The following RIT2 variants were observed in gnomAD, a reference collection of about 807,000 sequenced individuals.
RIT2 encodes Ras like without CAAX 2.
A neutral mutation model predicts 23.7 loss-of-function variants in RIT2; 24 were observed. The observed-to-expected ratio is 1.01, with a 90% CI of 0.73 to 1.43. The LOEUF is 1.43. Ranked by LOEUF, RIT2 falls within the 40% of genes most tolerant of loss-of-function variation. The pLI is 0.00. For synonymous variants in RIT2, 107 were observed against 91.1 expected (o/e 1.17, Z -0.99); for missense variants, 236 against 266.9 (o/e 0.88, Z 0.81).
At chr18:43,080,509 A>G (rs946548949) in intron 1 of RIT2, among the ~76,000 whole-genome samples, 1 of 152,104 alleles carries the variant, frequency 6.6e-6, no homozygotes, top group East Asian at 1.9e-4. Context: ...CTGAATGACA[A>G]AAAAAACCTA....
intron 1 of RIT2, among the ~76,000 whole-genome samples, chr18:43,109,427 A>C (rs933186917): frequency 4.6e-5 from 7 of 152,176 alleles, no homozygotes; most frequent in Non-Finnish European, 7.4e-5. Context: ...CTAAATTATC[A>C]AGATGCTGCC....
intron 2 of RIT2, among the ~76,000 whole-genome samples, chr18:43,025,244 A>AC (rs1911688441): frequency 6.6e-6 from 1 of 151,804 alleles, no homozygotes; most frequent in Admixed American, 6.6e-5. Flanking sequence ...AAACAAAAAA[A>AC]AAAACAGGCA....
intron 3 of RIT2, among the ~76,000 whole-genome samples, chr18:42,936,782 C>T (rs544641145): frequency 1.2e-4 from 18 of 152,138 alleles, no homozygotes; most frequent in South Asian, 4.1e-4. Flanking sequence ...GAGGCTGAGG[C>T]GGGTGGATCA....
chr18:42,942,009 G>A (rs1215026821), intron 3 of RIT2, among the ~76,000 whole-genome samples: 2 of 151,818 alleles, frequency 1.3e-5, no homozygotes, highest in Non-Finnish European at 2.9e-5. Context: ...GCAAGGATAA[G>A]TGATTATTTT....
intron 4 of RIT2, among the ~76,000 whole-genome samples, chr18:42,766,155 G>A (rs1489676877): frequency 6.6e-6 from 1 of 152,178 alleles, no homozygotes; most frequent in East Asian, 1.9e-4. Context: ...AAATGTGGAA[G>A]CAACTTTGGA....
At chr18:42,926,448 T>C (rs1293452954) in intron 3 of RIT2, among the ~76,000 whole-genome samples, 1 of 151,948 alleles carries the variant, frequency 6.6e-6, no homozygotes, top group Non-Finnish European at 1.5e-5. Flanking sequence ...TTCAACTGTA[T>C]ATTGTTTTTT....
intron 4 of RIT2, among the ~76,000 whole-genome samples, chr18:42,802,823 T>C (rs1199884825): frequency 6.6e-6 from 1 of 152,228 alleles, no homozygotes; most frequent in Non-Finnish European, 1.5e-5. Flanking sequence ...GTCATGCTAT[T>C]GTCAGGCATT....
intron 4 of RIT2, among the ~76,000 whole-genome samples, chr18:42,794,115 C>T (rs561750307): frequency 7.9e-5 from 12 of 152,242 alleles, no homozygotes; most frequent in Non-Finnish European, 1.6e-4. Context: ...CTATTTTCCT[C>T]CAAGAAAACA....
chr18:42,904,396 G>A (rs1264791087), intron 4 of RIT2, among the ~76,000 whole-genome samples: 1 of 152,096 alleles, frequency 6.6e-6, no homozygotes, highest in Admixed American at 6.6e-5. Context: ...GCAGTGTCAG[G>A]TATTAGTCCT....
At chr18:42,786,561 G>C (rs1913926664) in intron 4 of RIT2, among the ~76,000 whole-genome samples, 1 of 152,020 alleles carries the variant, frequency 6.6e-6, no homozygotes, top group African/African-American at 2.4e-5. Context: ...TGCCTTTACT[G>C]TTAGTTCACA....
At chr18:42,879,605 A>G (rs1397772169) in intron 4 of RIT2, among the ~76,000 whole-genome samples, 3 of 151,880 alleles carry the variant, frequency 2.0e-5, no homozygotes, top group Admixed American at 6.6e-5. Flanking sequence ...TCATAACAGT[A>G]TATTTTGTTA....
intron 2 of RIT2, among the ~76,000 whole-genome samples, chr18:43,007,711 T>C (rs1233572308): frequency 6.6e-6 from 1 of 151,730 alleles, no homozygotes; most frequent in African/African-American, 2.4e-5. Context: ...CCACCAGGTA[T>C]GTTTGTCTAC....
At chr18:43,003,761 GACACACACACACAC>G (rs56860348) in intron 2 of RIT2, among the ~76,000 whole-genome samples, 3,633 of 129,550 alleles carry the variant, frequency 0.028, 141 homozygotes, top group African/African-American at 0.08. Context: ...CCTCCTCAGT[GACACACACACACAC>G]ACACACACAC....
At chr18:42,856,231 C>T (rs1281022251) in intron 4 of RIT2, among the ~76,000 whole-genome samples, 2 of 152,210 alleles carry the variant, frequency 1.3e-5, no homozygotes, top group Non-Finnish European at 2.9e-5. Context: ...CTTTGTTTGA[C>T]TGTAGGTCAT....
chr18:42,829,908 G>A (rs1380591943), intron 4 of RIT2, among the ~76,000 whole-genome samples: 1 of 152,158 alleles, frequency 6.6e-6, no homozygotes, highest in Admixed American at 6.6e-5. Context: ...GTAAAAATAA[G>A]TGAATGTAAG....
At chr18:42,934,039 G>GAAAAAAAAAAAAAAAAAAAAAAAAAAA (rs5824459) in intron 3 of RIT2, among the ~76,000 whole-genome samples, 1 of 130,758 alleles carries the variant, frequency 7.6e-6, no homozygotes, top group Non-Finnish European at 1.6e-5. Flanking sequence ...AAAAAAAAAA[G>GAAAAAAAAAAAAAAAAAAAAAAAAAAA]AAAAAAAAAA....
intron 4 of RIT2, among the ~76,000 whole-genome samples, chr18:42,788,113 C>A (rs1913962909): frequency 2.0e-5 from 3 of 151,812 alleles, no homozygotes; most frequent in South Asian, 2.1e-4. Context: ...AAAGTAATTA[C>A]AATTTGCAAA....
At chr18:42,872,359 T>C (rs975884051) in intron 4 of RIT2, among the ~76,000 whole-genome samples, 1 of 152,212 alleles carries the variant, frequency 6.6e-6, no homozygotes, top group Admixed American at 6.5e-5. Context: ...ATCTACACTG[T>C]AGACCTGTGC....
intron 4 of RIT2, among the ~76,000 whole-genome samples, chr18:42,904,335 A>G (rs899247302): frequency 1.3e-5 from 2 of 152,176 alleles, no homozygotes; most frequent in African/African-American, 2.4e-5. Context: ...GGTAGCAATG[A>G]GTCAGGACAG....
Sources: allele counts gnomAD v4.1 joint callset (sites outside exome capture counted in the v4.1 genomes callset), GRCh38; gene constraint gnomAD v4.1.1; transcripts MANE v1.5; gene names NCBI Gene and HGNC (gene_info 2026-07-23, HGNC 2026-07-21).